Variants in CSMD1 observed in about 807,000 individuals in gnomAD.
The protein encoded by CSMD1 is CUB and sushi domain-containing protein 1.
CSMD1 carries 213 observed loss-of-function variants against 417.5 expected under a neutral mutation model. That is an observed-to-expected ratio of 0.51 (90% CI 0.46 to 0.57). The LOEUF (loss-of-function observed/expected upper bound fraction) is 0.57, where lower values mean the gene tolerates loss of function less well. Among genes scored for constraint, CSMD1 ranks in the 20% least tolerant of loss-of-function variants. CSMD1 has a pLI of 0.00. For synonymous variants in CSMD1, 2,862 were observed against 1,736.8 expected (o/e 1.65, Z -16.11); for missense variants, 6,923 against 4,529.7 (o/e 1.53, Z -15.17).
chr8:3,078,597 C>G (rs1479672379), intron 49 of CSMD1, among the ~76,000 whole-genome samples: 1 of 152,152 alleles, frequency 6.6e-6, no homozygotes, highest in South Asian at 2.1e-4. Flanking sequence ...TTTTTATACA[C>G]AAGCTAAAAA....
chr8:4,677,835 G>T (rs542254194), intron 1 of CSMD1, among the ~76,000 whole-genome samples: 1 of 152,272 alleles, frequency 6.6e-6, no homozygotes, highest in African/African-American at 2.4e-5. Flanking sequence ...AAGGATGGAG[G>T]AGAAACGAAG....
At chr8:3,266,087 C>T (rs1801409231) in intron 26 of CSMD1, among the ~76,000 whole-genome samples, 1 of 151,496 alleles carries the variant, frequency 6.6e-6, no homozygotes, top group Non-Finnish European at 1.5e-5. Context: ...ATGTCCATGC[C>T]TGGGGGAAAA....
intron 5 of CSMD1, among the ~76,000 whole-genome samples, chr8:3,958,816 G>A (rs866822563): frequency 6.6e-6 from 1 of 152,324 alleles, no homozygotes; most frequent in Middle Eastern, 3.4e-3. Flanking sequence ...ATACACATCA[G>A]GAGGATCTGC....
At position 3,201,393 on chromosome 8, in the gene CSMD1, G is replaced by T. The variant is rs866061277; in HGVS notation, c.5098+219C>A. On this transcript the variant is annotated intron_variant, in intron 32 of 69. Transcript: ENST00000635120. ...TACTGAGATAAATATTATATTTTCT[G>T]CAATCTTAGTAAGATGATAAAAGCA... Among the ~76,000 whole-genome samples, 26 of 152,012 alleles carry T rather than the reference G, an allele frequency of 1.7e-4. 1 individual carries two copies. Among genetic ancestry groups the T allele is most frequent in the African/African-American group, 6.3e-4 (26 of 41,374 alleles).
intron 5 of CSMD1, among the ~76,000 whole-genome samples, chr8:3,812,133 T>A (rs1185325958): frequency 6.6e-6 from 1 of 152,210 alleles, no homozygotes; most frequent in East Asian, 1.9e-4. Flanking sequence ...TCCATATTTG[T>A]ATTCATATTC....
intron 3 of CSMD1, among the ~76,000 whole-genome samples, chr8:4,281,403 T>A (rs1272492657): frequency 6.6e-6 from 1 of 152,180 alleles, no homozygotes; most frequent in Non-Finnish European, 1.5e-5. Flanking sequence ...AAAAACAGCT[T>A]TAAATTATCA....
At chr8:3,940,116 A>T (rs1321967620) in intron 5 of CSMD1, among the ~76,000 whole-genome samples, 1 of 152,170 alleles carries the variant, frequency 6.6e-6, no homozygotes, top group East Asian at 1.9e-4. Context: ...ATTTTCTTTT[A>T]TAAAGTAAAT....
chr8:3,979,543 G>C (rs1462247946), intron 5 of CSMD1, among the ~76,000 whole-genome samples: 1 of 152,148 alleles, frequency 6.6e-6, no homozygotes, highest in Non-Finnish European at 1.5e-5. Flanking sequence ...ATGATATTAA[G>C]AGCTCAGGCC....
chr8:4,174,920 G>A (rs1203657664), intron 3 of CSMD1, among the ~76,000 whole-genome samples: 2 of 150,906 alleles, frequency 1.3e-5, no homozygotes, highest in Non-Finnish European at 2.9e-5. Context: ...TTGCAGAACT[G>A]ATGTCAACTC....
intron 33 of CSMD1, among the ~76,000 whole-genome samples, chr8:3,195,778 T>A (rs1027046859): frequency 2.8e-4 from 43 of 152,086 alleles, no homozygotes; most frequent in Non-Finnish European, 5.6e-4. Flanking sequence ...AAAAAGCAAA[T>A]GTACAAGGCT....
chr8:3,533,627 A>G (rs867114745), intron 10 of CSMD1, among the ~76,000 whole-genome samples: 37 of 152,152 alleles, frequency 2.4e-4, no homozygotes, highest in Non-Finnish European at 4.4e-4. Context: ...ACTCATCTGC[A>G]TCTGGAATCT....
At chr8:3,395,494 T>C (rs891670124) in intron 17 of CSMD1, among the ~76,000 whole-genome samples, 4 of 152,224 alleles carry the variant, frequency 2.6e-5, no homozygotes, top group African/African-American at 9.6e-5. Flanking sequence ...TACAATTACT[T>C]AATCTCATCA....
intron 1 of CSMD1, among the ~76,000 whole-genome samples, chr8:4,662,821 T>A (rs929563193): frequency 6.6e-6 from 1 of 152,128 alleles, no homozygotes; most frequent in Admixed American, 6.5e-5. Context: ...AGTGCCCACA[T>A]CATCAAAACA....
At chr8:3,321,143 C>T (rs968115079) in intron 23 of CSMD1, among the ~76,000 whole-genome samples, 4 of 152,132 alleles carry the variant, frequency 2.6e-5, no homozygotes, top group Non-Finnish European at 4.4e-5. Flanking sequence ...CCTGCACCCA[C>T]CATCAGGTGG....
At chr8:3,695,148 C>G (rs143364972) in intron 7 of CSMD1, among the ~76,000 whole-genome samples, 1 of 144,602 alleles carries the variant, frequency 6.9e-6, no homozygotes, top group African/African-American at 2.6e-5. Flanking sequence ...AAGGATATTG[C>G]AGGAGCACAG....
chr8:3,392,612 G>C (rs945911512), intron 17 of CSMD1, among the ~76,000 whole-genome samples: 1 of 152,026 alleles, frequency 6.6e-6, no homozygotes, highest in Non-Finnish European at 1.5e-5. Flanking sequence ...ATCTGCGTCT[G>C]CCTTCACCTT....
intron 2 of CSMD1, among the ~76,000 whole-genome samples, chr8:4,519,627 C>G (rs1023570583): frequency 1.3e-5 from 2 of 151,176 alleles, no homozygotes; most frequent in Admixed American, 6.6e-5. Flanking sequence ...ATAATCCCAG[C>G]TACTCCTCCA....
chr8:4,240,573 T>C lies in CSMD1; in HGVS notation c.415+179380A>G, dbSNP rs919133806. ...AGCCTGTGCCTCCTGCCTTTTTATTTTATCTTTTAGCTCAAAATGAACTCC... is the reference window on the plus strand; with the variant it reads ...AGCCTGTGCCTCCTGCCTTTTTATTCTATCTTTTAGCTCAAAATGAACTCC... On this transcript the variant is annotated intron_variant, in intron 3 of 69. Coordinates refer to ENST00000635120, the MANE Select transcript of CSMD1 (RefSeq NM_033225.6). Among the ~76,000 whole-genome samples, 5 of 152,294 alleles carry C rather than the reference T, an allele frequency of 3.3e-5. No individual in the cohort carries two copies. In the East Asian group the frequency reaches 7.7e-4, roughly 24 times the overall value.
At chr8:4,403,271 A>G (rs1804774317) in intron 3 of CSMD1, among the ~76,000 whole-genome samples, 1 of 152,212 alleles carries the variant, frequency 6.6e-6, no homozygotes, top group Admixed American at 6.5e-5. Flanking sequence ...ACAGTCAACA[A>G]TGAACATAAC....
Sources: gnomAD v4.1 joint callset for allele counts (sites outside exome capture counted in the v4.1 genomes callset) on GRCh38, gnomAD v4.1.1 for gene constraint, MANE v1.5 for transcripts, NCBI Gene and HGNC (gene_info 2026-07-23, HGNC 2026-07-21) for gene names.